Variants in MESP1 observed in about 807,000 individuals in gnomAD.
MESP1 encodes the protein mesoderm posterior protein 1.
MESP1 carries 22 observed loss-of-function variants against 15.2 expected under a neutral mutation model. That is an observed-to-expected ratio of 1.45 (90% confidence interval 1.04 to 2.07). The LOEUF is 2.07. MESP1 is among the 30% of genes most tolerant of loss of function. The pLI, the probability that MESP1 is intolerant of heterozygous loss-of-function variation, is 0.00. For missense variants in MESP1, 484 were observed against 411.9 expected (o/e 1.17, Z -1.51); for synonymous variants, 216 against 192.6 (o/e 1.12, Z -1.01).
At chr15:89,733,993 ATG>A in the MESP1 span, among the ~76,000 whole-genome samples, 285 of 149,110 alleles carry the variant, frequency 1.9e-3, no homozygotes, top group African/African-American at 3.4e-3. Context: ...AACCTGTATA[ATG>A]TGTGTGTGTG....
At chr15:89,747,844 A>C (rs1968000987), downstream of MESP1, among the ~76,000 whole-genome samples, 1 of 152,212 alleles carries the variant, frequency 6.6e-6, no homozygotes, top group Admixed American at 6.5e-5. Flanking sequence ...ACCACCCGGC[A>C]CGGGGCGCCT....
downstream of MESP1, among the ~76,000 whole-genome samples, chr15:89,748,106 G>A (rs1968006961): frequency 6.6e-6 from 1 of 152,218 alleles, no homozygotes; most frequent in African/African-American, 2.4e-5. Context: ...CAGGGAAGGG[G>A]GCTAGCCAAT....
At chr15:89,743,652 G>A in the MESP1 span, 1 of 511,820 alleles carries the variant, frequency 2.0e-6, no homozygotes, top group Non-Finnish European at 3.5e-6. Context: ...CCAAGTTGCT[G>A]TGGTATATAA....
At chr15:89,748,818 T>G (rs1968024364), downstream of MESP1, 1 of 152,194 alleles carries the variant, frequency 6.6e-6, no homozygotes, top group Admixed American at 6.5e-5. Flanking sequence ...CGTTCTAAAA[T>G]TAGTGGCAAT....
the MESP1 span, chr15:89,733,241 CG>C: frequency 6.2e-7 from 1 of 1,602,612 alleles, no homozygotes; most frequent in Non-Finnish European, 8.5e-7. Context: ...GAGGGTGGGA[CG>C]GGGTAAATAA....
At chr15:89,746,980 CAG>C (rs1195613279), downstream of MESP1, among the ~76,000 whole-genome samples, 2 of 148,576 alleles carry the variant, frequency 1.3e-5, no homozygotes, top group African/African-American at 2.5e-5. Context: ...CACGTGCACA[CAG>C]AGCCCCGCCG....
downstream of MESP1, among the ~76,000 whole-genome samples, chr15:89,745,665 G>A (rs968337560): frequency 2.0e-5 from 3 of 152,080 alleles, no homozygotes; most frequent in African/African-American, 7.3e-5. The surrounding 1 kb of genome is among the most constrained non-coding windows in gnomAD (Gnocchi z 4.8). Context: ...CGGGAAAGCT[G>A]AGACAGGAAA....
At chr15:89,748,374 G>T (rs185031549), downstream of MESP1, among the ~76,000 whole-genome samples, 62 of 152,282 alleles carry the variant, frequency 4.1e-4, no homozygotes, top group Non-Finnish European at 7.8e-4. Flanking sequence ...GCGCCAGGCC[G>T]GGTGTGCCCT....
downstream of MESP1, among the ~76,000 whole-genome samples, chr15:89,746,301 A>G (rs1967949154): frequency 7.2e-6 from 1 of 139,850 alleles, no homozygotes; most frequent in African/African-American, 2.9e-5. Context: ...ACACATTCAC[A>G]CATCCACACA....
the MESP1 span, among the ~76,000 whole-genome samples, chr15:89,734,545 C>T: frequency 2.6e-5 from 4 of 152,186 alleles, no homozygotes; most frequent in African/African-American, 4.8e-5. Context: ...TTGGGCAAAG[C>T]ACATCCCACA....
At chr15:89,740,801 C>A in the MESP1 span, among the ~76,000 whole-genome samples, 1 of 152,058 alleles carries the variant, frequency 6.6e-6, no homozygotes, top group Non-Finnish European at 1.5e-5. Context: ...CACGCCTGGC[C>A]TGATTTTATT....
At chr15:89,738,131 A>G in the MESP1 span, 3 of 1,614,188 alleles carry the variant, frequency 1.9e-6, no homozygotes, top group South Asian at 3.3e-5. Context: ...CCACTCCTGG[A>G]AAATATCTCA....
rs1015155150 is a variant in MESP1 at position 89,750,658 on chromosome 15, C to T, written c.574G>A (p.Val192Ile). Residue 192 changes from valine (V) to isoleucine (I), a missense_variant, in exon 1 of 2, where the codon GTA becomes ATA. By Grantham distance (29) the Val-to-Ile change is conservative. Transcript: ENST00000300057. Reference sequence around the variant, plus strand: ...GACGCCCCGGCGCGGACGGCGGATACCAGGCCCAGCCCGCGCCCCTGCCCC... The same window carrying T: ...GACGCCCCGGCGCGGACGGCGGATATCAGGCCCAGCCCGCGCCCCTGCCCC... Reference protein sequence around the residue: ...GQGQGRGLGLVSAVRAGASWG... With the variant: ...GQGQGRGLGLISAVRAGASWG... 2.2e-6 allele frequency: 3 copies of T among 1,362,020 alleles called. No homozygotes were observed. Among genetic ancestry groups the T allele is most frequent in the Middle Eastern group, 2.6e-4 (1 of 3,900 alleles). The allele number at this position is 1,362,020 out of a possible 1,614,324, so 84.4% of individuals were successfully genotyped here. A position where few individuals can be genotyped will look rare whatever the true frequency, so the allele number is the denominator to read the frequency against.
the MESP1 span, among the ~76,000 whole-genome samples, chr15:89,737,053 A>G: frequency 6.6e-6 from 1 of 152,170 alleles, no homozygotes; most frequent in Admixed American, 6.5e-5. Flanking sequence ...GGCCTCCCAA[A>G]GTGCTGGGAT....
At chr15:89,743,235 C>A in the MESP1 span, 3 of 1,582,930 alleles carry the variant, frequency 1.9e-6, no homozygotes, top group South Asian at 2.2e-5. Flanking sequence ...GCCCTGGGGG[C>A]TCGGGAGCTG....
downstream of MESP1, among the ~76,000 whole-genome samples, chr15:89,745,006 G>C (rs777094112): frequency 2.8e-4 from 42 of 152,200 alleles, no homozygotes; most frequent in Non-Finnish European, 5.3e-4. The surrounding 1 kb of genome is among the most constrained non-coding windows in gnomAD (Gnocchi z 4.8). Context: ...CCTGGAGGGA[G>C]GGAGAGGTAT....
the MESP1 span, chr15:89,733,022 C>A: frequency 6.2e-7 from 1 of 1,614,092 alleles, no homozygotes; most frequent in South Asian, 1.1e-5. Flanking sequence ...CTCTTGGGGT[C>A]GCTGCTCTTC....
At chr15:89,740,779 G>A in the MESP1 span, among the ~76,000 whole-genome samples, 6 of 152,108 alleles carry the variant, frequency 3.9e-5, no homozygotes, top group Admixed American at 2.6e-4. Flanking sequence ...TGGGATTACA[G>A]ACATGAGCCA....
chr15:89,738,626 CAA>C, the MESP1 span, among the ~76,000 whole-genome samples: 112 of 81,426 alleles, frequency 1.4e-3, 2 homozygotes, highest in Admixed American at 3.1e-3. Context: ...GACTCTGTCC[CAA>C]AAAAAAAAAA....
Sources: allele counts gnomAD v4.1 joint callset (sites outside exome capture counted in the v4.1 genomes callset), GRCh38; gene constraint gnomAD v4.1.1; non-coding constraint Gnocchi (gnomAD v3.1); transcripts MANE v1.5; gene names NCBI Gene and HGNC (gene_info 2026-07-23, HGNC 2026-07-21).